ODAD2: variants seen among roughly 807,000 people sequenced by gnomAD.
The protein encoded by ODAD2 is outer dynein arm docking complex subunit 2.
Under a neutral mutation model 106.8 loss-of-function variants are expected in ODAD2, and 89 were observed. The ratio of observed to expected loss-of-function variants is 0.83; its 90% CI spans 0.70 to 0.99. ODAD2 has a LOEUF of 0.99. Among genes scored for constraint, ODAD2 ranks in the 50% least tolerant of loss-of-function variants. The probability of loss-of-function intolerance (pLI) is 0.00; values close to 1 mark genes in which losing one functional copy is unlikely to be tolerated. For synonymous variants in ODAD2, 404 were observed against 436.2 expected, an observed-to-expected ratio of 0.93 and a Z score of 0.92; for missense variants, 1,168 against 1,238.5, an observed-to-expected ratio of 0.94 and a Z score of 0.85.
intron 16 of ODAD2, among the ~76,000 whole-genome samples, chr10:27,920,924 G>C (rs974479748): frequency 3.3e-5 from 5 of 151,640 alleles, no homozygotes; most frequent in African/African-American, 1.2e-4. Context: ...AGGAAATTTA[G>C]AGTTACAGAT....
chr10:27,825,357 G>A (rs1240098449), intron 19 of ODAD2, among the ~76,000 whole-genome samples: 1 of 152,186 alleles, frequency 6.6e-6, no homozygotes, highest in Non-Finnish European at 1.5e-5. Flanking sequence ...GATTCAGAAT[G>A]TAATAAAACC....
intron 17 of ODAD2, among the ~76,000 whole-genome samples, chr10:27,873,350 T>A (rs1444879015): frequency 1.6e-5 from 2 of 125,534 alleles, no homozygotes; most frequent in Non-Finnish European, 3.3e-5. Context: ...TGTGTCTCTA[T>A]CTCCTTCAGT....
At chr10:27,813,673 G>A (rs1390850083) in intron 19 of ODAD2, among the ~76,000 whole-genome samples, 1 of 152,194 alleles carries the variant, frequency 6.6e-6, no homozygotes. Context: ...ATCGTGAGAT[G>A]TCTTACATAT....
chr10:27,990,978 T>C (rs1440018080), intron 2 of ODAD2, among the ~76,000 whole-genome samples: 1 of 152,196 alleles, frequency 6.6e-6, no homozygotes, highest in African/African-American at 2.4e-5. Flanking sequence ...AATCAGGTAA[T>C]AACATTTTCA....
intron 16 of ODAD2, among the ~76,000 whole-genome samples, chr10:27,919,464 C>T (rs1371646248): frequency 6.6e-6 from 1 of 151,678 alleles, no homozygotes; most frequent in East Asian, 1.9e-4. Context: ...TAGACTTCAA[C>T]AAAAGAGAAA....
rs996984510 is a variant in ODAD2, at chr10:27,945,096, G to C, written c.1387-134C>G. The C allele has an allele frequency of 8.0e-6, 8 of 1,001,670 alleles. No homozygotes were observed. In the African/African-American group the frequency reaches 1.3e-4, roughly 16 times the overall value. 62.0% of individuals were successfully genotyped at this position (1,001,670 alleles called of 1,614,324 possible). A position where few individuals can be genotyped will look rare whatever the true frequency, so the allele number is the denominator to read the frequency against. On this transcript the variant is annotated intron_variant, in intron 10 of 19. Coordinates refer to ENST00000305242, the MANE Select transcript of ODAD2 (RefSeq NM_018076.5). ...GAATTTGTTAAATGAATCAGGTAGA[G>C]CCGAAGCATGGAAAAGCTGTACAGA... is the stretch of plus-strand genomic sequence containing the variant.
At chr10:27,969,424 G>C (rs1197989764) in intron 8 of ODAD2, among the ~76,000 whole-genome samples, 1 of 152,414 alleles carries the variant, frequency 6.6e-6, no homozygotes, top group East Asian at 1.9e-4. Context: ...TTGGCATTCT[G>C]TGTTCTCCCT....
chr10:27,996,769 T>C (rs1400468171), intron 1 of ODAD2, among the ~76,000 whole-genome samples: 1 of 152,202 alleles, frequency 6.6e-6, no homozygotes, highest in Non-Finnish European at 1.5e-5. Flanking sequence ...TTGATGGCAA[T>C]GTTATTTGAG....
chr10:27,875,773 G>T (rs1273809576), intron 17 of ODAD2, among the ~76,000 whole-genome samples: 1 of 152,148 alleles, frequency 6.6e-6, no homozygotes, highest in African/African-American at 2.4e-5. Flanking sequence ...AAGCACAAGG[G>T]GTCAGGGAAT....
chr10:27,857,248 T>C (rs1839721820), intron 19 of ODAD2, among the ~76,000 whole-genome samples: 1 of 152,204 alleles, frequency 6.6e-6, no homozygotes, highest in Admixed American at 6.5e-5. Flanking sequence ...ACAGTAAATA[T>C]ATTTTCTCTT....
chr10:27,878,716 G>A lies in ODAD2; in HGVS notation c.2611-16094C>T, dbSNP rs765367670. 5.5e-4 allele frequency among the ~76,000 whole-genome samples: 83 copies of A among 152,134 alleles called. 4 individuals carry two copies. Among genetic ancestry groups the A allele is most frequent in the African/African-American group, 2.2e-4 (9 of 41,532 alleles). On this transcript the variant is annotated intron_variant, in intron 17 of 19. Coordinates refer to ENST00000305242, the MANE Select transcript of ODAD2 (RefSeq NM_018076.5). The stretch of plus-strand genomic sequence containing the variant: ...GAAAACTGAACGGGCAAATCTTGTC[G>A]TCAAAAGTATACTTAATGAATTAAA...
intron 17 of ODAD2, among the ~76,000 whole-genome samples, chr10:27,898,284 C>T (rs1175208765): frequency 6.6e-6 from 1 of 151,976 alleles, no homozygotes; most frequent in Non-Finnish European, 1.5e-5. Context: ...AGTATTCATC[C>T]TCTCTACTAA....
At chr10:27,844,163 C>A (rs1445894791) in intron 19 of ODAD2, among the ~76,000 whole-genome samples, 2 of 152,098 alleles carry the variant, frequency 1.3e-5, no homozygotes, top group Non-Finnish European at 2.9e-5. Context: ...CCACTGTACT[C>A]CAACTTGGAC....
chr10:27,836,443 A>G (rs1837896710), intron 19 of ODAD2, among the ~76,000 whole-genome samples: 1 of 152,200 alleles, frequency 6.6e-6, no homozygotes, highest in Admixed American at 6.5e-5. Context: ...TCTAAACTTG[A>G]TCAATGAGAG....
In ODAD2 at chr10:27,981,522, G is replaced by A; in HGVS notation, c.880C>T (p.Leu294Phe). The A allele has an allele frequency of 6.5e-7, 1 of 1,535,820 alleles. No homozygotes were observed. The highest frequency in any genetic ancestry group is 1.4e-5 in the African/African-American group (1 of 69,570). ...GATTTTTCTCTTAAAAATGTGACAA[G>A]GTTTTTATAAATTGAACCTTTTCTC... ...YERKGSIYKN[L>F]VTFLREKSPK... is the part of the protein sequence containing the mutation. Residue 294 changes from leucine (L) to phenylalanine (F), a missense_variant, in exon 7 of 20, where the codon CTT (leucine) becomes TTT (phenylalanine). Leu to Phe is a conservative substitution (Grantham distance 22, BLOSUM62 0). This residue lies in a region of ODAD2 where 430 missense variants were observed against 452.2 expected (regional missense o/e 0.95). Coordinates refer to ENST00000305242, the MANE Select transcript of ODAD2 (RefSeq NM_018076.5).
At chr10:27,946,464 A>G (rs1410580520) in intron 10 of ODAD2, among the ~76,000 whole-genome samples, 2 of 152,142 alleles carry the variant, frequency 1.3e-5, no homozygotes, top group South Asian at 2.1e-4. Context: ...TAAAATGTGT[A>G]GTGATCAAAT....
intron 19 of ODAD2, among the ~76,000 whole-genome samples, chr10:27,832,745 C>T (rs549780423): frequency 8.5e-5 from 13 of 152,240 alleles, no homozygotes; most frequent in South Asian, 4.1e-4. Context: ...CTTAATGTTG[C>T]ATTTCAGCAG....
In ODAD2 at chr10:27,907,816, A is replaced by T. The variant is rs747772379; in HGVS notation, c.2496-39T>A. ...CAAAATCATGATATAAACTGTCATT[A>T]GTATGTGAAGACAAACATTTTAATG... On this transcript the variant is annotated intron_variant, in intron 16 of 19. Transcript: ENST00000305242. 8 of 1,290,760 alleles carry T rather than the reference A, an allele frequency of 6.2e-6. No individual in the cohort carries two copies. The East Asian group carries it at 1.9e-4, about 30-fold the overall frequency. The allele number at this position is 1,290,760 out of a possible 1,614,324, so 80.0% of individuals were successfully genotyped here. A position where few individuals can be genotyped will look rare whatever the true frequency, so the allele number is the denominator to read the frequency against.
In ODAD2 at chr10:27,939,909, C is replaced by A; in HGVS notation, c.2085G>T (p.Met695Ile). The A allele has an allele frequency of 6.2e-7, 1 of 1,602,962 alleles. No individual in the cohort carries two copies. The highest frequency in any genetic ancestry group is 8.5e-7 in the Non-Finnish European group (1 of 1,174,974). Residue 695 changes from methionine to isoleucine, a missense_variant, in exon 14 of 20, where the codon ATG becomes ATT. Met to Ile is a conservative substitution (Grantham distance 10). Coordinates refer to ENST00000305242, the MANE Select transcript of ODAD2 (RefSeq NM_018076.5). The part of the protein sequence containing the change: ...ENEQLQEHCA[M>I]AIYQCAEDKE... ...GAGTTCACTGCACCTGGTAAATGGCCATGGCGCAGTGCTCCTGCAGCTGCT... is the reference window on the plus strand; with the variant it reads ...GAGTTCACTGCACCTGGTAAATGGCAATGGCGCAGTGCTCCTGCAGCTGCT...
Sources: allele counts gnomAD v4.1 joint callset (sites outside exome capture counted in the v4.1 genomes callset), GRCh38; gene constraint gnomAD v4.1.1; regional missense constraint gnomAD v4.1.1; transcripts MANE v1.5; gene names NCBI Gene and HGNC (gene_info 2026-07-23, HGNC 2026-07-21).